Variants in RSRP1 observed in about 807,000 individuals in gnomAD.
The protein encoded by RSRP1 is arginine and serine rich protein 1.
A neutral mutation model predicts 33.0 loss-of-function variants in RSRP1; 37 were observed. That is an observed-to-expected ratio of 1.12 (90% CI 0.86 to 1.48). The LOEUF is 1.48. RSRP1 is among the 40% of genes most tolerant of loss of function. The pLI, the probability that RSRP1 is intolerant of heterozygous loss-of-function variation, is 0.00. For synonymous variants in RSRP1, 167 were observed against 158.7 expected, an observed-to-expected ratio of 1.05 and a Z score of -0.40; for missense variants, 402 against 385.3, an observed-to-expected ratio of 1.04 and a Z score of -0.36.
At position 25,295,863 on chromosome 1, in the gene RSRP1, T is replaced by G. The variant is rs1276367584; in HGVS notation, c.-67+42115A>C. ...GGAATATGGGAAATTTTTTTTTTTTTTTTTTTTTTTTTTTTTGAGATGGAG... is the reference window on the plus strand; with the variant it reads ...GGAATATGGGAAATTTTTTTTTTTTGTTTTTTTTTTTTTTTTGAGATGGAG... On this transcript the variant is annotated intron_variant, in intron 1 of 1. Coordinates refer to the RSRP1 transcript ENST00000561867. Among the ~76,000 whole-genome samples the G allele has an allele frequency of 1.2e-3, 124 of 103,910 alleles. 8 individuals carry two copies. Among genetic ancestry groups the G allele is most frequent in the African/African-American group, 3.7e-3 (111 of 30,096 alleles). The allele number at this position is 103,910 out of a possible 152,430, so 68.2% of individuals were successfully genotyped here. A position where few individuals can be genotyped will look rare whatever the true frequency, so the allele number is the denominator to read the frequency against.
At chr1:25,328,936 C>T (rs774266508) in intron 1 of RSRP1, 1 of 1,309,200 alleles carries the variant, frequency 7.6e-7, no homozygotes, top group South Asian at 1.2e-5. Flanking sequence ...CAAAAGCATC[C>T]AAGAAAAACA....
At position 25,336,790 on chromosome 1, in the gene RSRP1, T is replaced by C. The variant is rs1489301318; in HGVS notation, c.-67+1188A>G. 4.6e-5 allele frequency among the ~76,000 whole-genome samples: 7 copies of C among 151,600 alleles called. No individual in the cohort carries two copies. In the East Asian group the frequency reaches 1.4e-3, roughly 29 times the overall value. Reference sequence around the variant, plus strand: ...ACTAGATTCCTCCACCCTGAGACATTAAACAATCACGATAAACCTCCTGAG... The same window carrying C: ...ACTAGATTCCTCCACCCTGAGACATCAAACAATCACGATAAACCTCCTGAG... On this transcript the variant is annotated intron_variant, in intron 1 of 1. Coordinates refer to the RSRP1 transcript ENST00000561867.
rs1403405250 is a variant in RSRP1 at position 25,322,631 on chromosome 1, C to G, written c.-67+15347G>C. Among the ~76,000 whole-genome samples, 3 of 130,110 alleles carry G rather than the reference C, an allele frequency of 2.3e-5. 1 individual carries two copies. The highest frequency in any genetic ancestry group is 5.5e-5 in the Non-Finnish European group (3 of 54,932). The allele number at this position is 130,110 out of a possible 152,430, so 85.4% of individuals were successfully genotyped here. A position where few individuals can be genotyped will look rare whatever the true frequency, so the allele number is the denominator to read the frequency against. On this transcript the variant is annotated intron_variant, in intron 1 of 1. Coordinates refer to the RSRP1 transcript ENST00000561867. ...AAGTTTGCAGTGATCTGAGATCATGCCACTGCACTCCAGCCTGGGTGACAG... is the reference window on the plus strand; with the variant it reads ...AAGTTTGCAGTGATCTGAGATCATGGCACTGCACTCCAGCCTGGGTGACAG...
At chr1:25,315,163 ATT>A (rs1459885737) in intron 1 of RSRP1, among the ~76,000 whole-genome samples, 1 of 129,290 alleles carries the variant, frequency 7.7e-6, no homozygotes, top group Admixed American at 7.6e-5. Context: ...TCAAAAAAAA[ATT>A]TTTTTTGCAA....
chr1:25,307,957 G>A lies in RSRP1; in HGVS notation c.-67+30021C>T, dbSNP rs1218977332. On this transcript the variant is annotated intron_variant, in intron 1 of 1. Coordinates refer to the RSRP1 transcript ENST00000561867. ...GAACCTTTCCTGTCTCTGGGCCTGA[G>A]AGTTCCCCTCTGAAAGATGAGGACT... The A allele has an allele frequency of 4.1e-6, 3 of 728,942 alleles. No homozygotes were observed. The African/African-American group carries it at 5.4e-5, about 13-fold the overall frequency. 45.2% of individuals were successfully genotyped at this position (728,942 alleles called of 1,614,324 possible). A position where few individuals can be genotyped will look rare whatever the true frequency, so the allele number is the denominator to read the frequency against.
At chr1:25,255,881 G>T (rs1367890382) in intron 1 of RSRP1, among the ~76,000 whole-genome samples, 2 of 152,128 alleles carry the variant, frequency 1.3e-5, no homozygotes, top group Non-Finnish European at 2.9e-5. Context: ...AGGCAGTAAT[G>T]CAAGTGATAG....
At position 25,246,641 on chromosome 1, in the gene RSRP1, G is replaced by A. The variant is rs753660582; in HGVS notation, c.323C>T (p.Pro108Leu). Reference sequence around the variant, plus strand: ...ACGGGACCGGGACCGGTACCGCGAAGGAGACCGGTAGTATCTCCTGGTGAA... The same window carrying A: ...ACGGGACCGGGACCGGTACCGCGAAAGAGACCGGTAGTATCTCCTGGTGAA... ...YGFTRRYYRS[P>L]SRYRSRSRSR... is the part of the protein sequence containing the mutation. Residue 108 changes from proline (P) to leucine (L), a missense_variant, in exon 2 of 5, where the codon CCT (proline) becomes CTT (leucine). Pro to Leu is a moderately conservative substitution (Grantham distance 98). Coordinates refer to ENST00000243189, the MANE Select transcript of RSRP1 (RefSeq NM_020317.5). 3.1e-6 allele frequency: 5 copies of A among 1,613,912 alleles called. No homozygotes were observed. Among genetic ancestry groups the A allele is most frequent in the East Asian group, 4.5e-5 (2 of 44,892 alleles).
chr1:25,245,201 G>T lies in RSRP1; in HGVS notation c.621C>A (p.Ala207=), dbSNP rs772792635. 1.2e-6 allele frequency: 2 copies of T among 1,613,938 alleles called. No individual in the cohort carries two copies. Among genetic ancestry groups the T allele is most frequent in the Non-Finnish European group, 8.5e-7 (1 of 1,179,998 alleles). ...CACCTATTCCACGGCTTGTTTCTTT[G>T]GCTGAAGGAACAGTTCTGAGACTAG... ...LPASLRTVPS[A]KETSRGIGVS... Residue 207 remains alanine (A), a synonymous_variant, in exon 3 of 5, where the codon GCC becomes GCA. Transcript: ENST00000243189.
intron 1 of RSRP1, among the ~76,000 whole-genome samples, chr1:25,257,152 C>A (rs189951464): frequency 6.6e-6 from 1 of 152,280 alleles, no homozygotes; most frequent in Admixed American, 6.5e-5. Flanking sequence ...AAGGTTGTCA[C>A]GACAATGTAT....
At position 25,305,799 on chromosome 1, in the gene RSRP1, A is replaced by G. The variant is rs1643777076; in HGVS notation, c.-67+32179T>C. On this transcript the variant is annotated intron_variant, in intron 1 of 1. Transcript: ENST00000561867. ...GTGTTTTTAGTAGAGACGGGGTTTCACCATGTTGGCCCTGCTGGTCTTGAA... is the reference window on the plus strand; with the variant it reads ...GTGTTTTTAGTAGAGACGGGGTTTCGCCATGTTGGCCCTGCTGGTCTTGAA... Among the ~76,000 whole-genome samples the G allele has an allele frequency of 2.3e-5, 3 of 130,176 alleles. 1 individual carries two copies. The highest frequency in any genetic ancestry group is 2.2e-4 in the Admixed American group (3 of 13,348). The allele number at this position is 130,176 out of a possible 152,430, so 85.4% of individuals were successfully genotyped here. A position where few individuals can be genotyped will look rare whatever the true frequency, so the allele number is the denominator to read the frequency against.
chr1:25,314,281 C>G (rs1449975804), intron 1 of RSRP1, among the ~76,000 whole-genome samples: 2 of 132,678 alleles, frequency 1.5e-5, no homozygotes, highest in African/African-American at 5.1e-5. Context: ...ATTTAGCAAT[C>G]AAACCTATTG....
intron 1 of RSRP1, among the ~76,000 whole-genome samples, chr1:25,261,664 A>C (rs1276416021): frequency 6.7e-6 from 1 of 148,728 alleles, no homozygotes; most frequent in African/African-American, 2.5e-5. Context: ...TCAGCCTCCC[A>C]AAGTGCTGGG....
rs1641449368 is a variant in RSRP1, at chr1:25,281,014, C to T, written c.-66-33985G>A. 1.5e-5 allele frequency among the ~76,000 whole-genome samples: 2 copies of T among 131,978 alleles called. 1 individual carries two copies. The highest frequency in any genetic ancestry group is 3.6e-5 in the Non-Finnish European group (2 of 55,902). 86.6% of individuals were successfully genotyped at this position (131,978 alleles called of 152,430 possible). A position where few individuals can be genotyped will look rare whatever the true frequency, so the allele number is the denominator to read the frequency against. ...CTAACTTCTTTGGAATATTCCAGAGCTGTAAAAGCCTTAGAGAGTATCAAG... is the reference window on the plus strand; with the variant it reads ...CTAACTTCTTTGGAATATTCCAGAGTTGTAAAAGCCTTAGAGAGTATCAAG... On this transcript the variant is annotated intron_variant, in intron 1 of 1. Transcript: ENST00000561867.
chr1:25,276,322 G>A (rs1258199421), intron 1 of RSRP1, among the ~76,000 whole-genome samples: 2 of 128,130 alleles, frequency 1.6e-5, no homozygotes, highest in African/African-American at 5.4e-5. Context: ...TTGGTCTCAT[G>A]TGACAATCAT....
intron 1 of RSRP1, among the ~76,000 whole-genome samples, chr1:25,316,041 TA>T (rs1308274585): frequency 7.7e-6 from 1 of 130,696 alleles, no homozygotes; most frequent in Non-Finnish European, 1.8e-5. Flanking sequence ...AGGAAAGGCT[TA>T]AAAAACTGGC....
In RSRP1 at chr1:25,329,085, C is replaced by A. The variant is rs751993650; in HGVS notation, c.-67+8893G>T. 38 of 1,298,140 alleles carry A rather than the reference C, an allele frequency of 2.9e-5. 6 individuals carry two copies. The South Asian group carries it at 4.4e-4, about 15-fold the overall frequency. The allele number at this position is 1,298,140 out of a possible 1,614,324, so 80.4% of individuals were successfully genotyped here. A position where few individuals can be genotyped will look rare whatever the true frequency, so the allele number is the denominator to read the frequency against. On this transcript the variant is annotated intron_variant, in intron 1 of 1. Coordinates refer to the RSRP1 transcript ENST00000561867. ...ATGGAGTTGAATCCTTTCTCTGCCACTCTTTGAGGAGAATCTCACCATTTA... is the reference window on the plus strand; with the variant it reads ...ATGGAGTTGAATCCTTTCTCTGCCAATCTTTGAGGAGAATCTCACCATTTA...
rs1158356366 is a variant in RSRP1 at position 25,303,109 on chromosome 1, T to C, written c.-67+34869A>G. Among the ~76,000 whole-genome samples, 3 of 132,122 alleles carry C rather than the reference T, an allele frequency of 2.3e-5. No homozygotes were observed. The South Asian group carries it at 6.9e-4, about 30-fold the overall frequency. The allele number at this position is 132,122 out of a possible 152,430, so 86.7% of individuals were successfully genotyped here. A position where few individuals can be genotyped will look rare whatever the true frequency, so the allele number is the denominator to read the frequency against. On this transcript the variant is annotated intron_variant, in intron 1 of 1. Transcript: ENST00000561867. ...CTAAATGCTGCACAATCAGGGTAAC[T>C]GTGCCCTGAGCCTAAGAGGCAGTAG...
Position 25,318,035 on chromosome 1 carries a change from A to C in RSRP1, c.-67+19943T>G, listed in dbSNP as rs1351872231. On this transcript the variant is annotated intron_variant, in intron 1 of 1. Transcript: ENST00000561867. ...AGTTTTACTTATATGCCAGGTGAAA[A>C]TATGTGGCTAGGTGCAGTGGCTCAT... 1.5e-5 allele frequency: 2 copies of C among 131,664 alleles called. 1 individual carries two copies. The highest frequency in any genetic ancestry group is 3.6e-5 in the Non-Finnish European group (2 of 55,616). 8.2% of individuals were successfully genotyped at this position (131,664 alleles called of 1,614,324 possible). A position where few individuals can be genotyped will look rare whatever the true frequency, so the allele number is the denominator to read the frequency against.
Position 25,246,996 on chromosome 1 carries a change from G to C in RSRP1, c.-33C>G. 1 of 1,521,746 alleles carries C rather than the reference G, an allele frequency of 6.6e-7. No homozygotes were observed. Among genetic ancestry groups the C allele is most frequent in the Non-Finnish European group, 8.8e-7 (1 of 1,132,600 alleles). 94.3% of individuals were successfully genotyped at this position (1,521,746 alleles called of 1,614,324 possible). A position where few individuals can be genotyped will look rare whatever the true frequency, so the allele number is the denominator to read the frequency against. On this transcript the variant is annotated 5_prime_UTR_variant, in exon 2 of 5. Coordinates refer to ENST00000243189, the MANE Select transcript of RSRP1 (RefSeq NM_020317.5). Reference sequence around the variant, plus strand: ...TGCGGCTTTAGCCTGCGCTTTCTCCGGAAAGGATCCCGCAAGCCTCAACTC... The same window carrying C: ...TGCGGCTTTAGCCTGCGCTTTCTCCCGAAAGGATCCCGCAAGCCTCAACTC...
Sources: allele counts gnomAD v4.1 joint callset (sites outside exome capture counted in the v4.1 genomes callset), GRCh38; gene constraint gnomAD v4.1.1; transcripts MANE v1.5; gene names NCBI Gene and HGNC (gene_info 2026-07-23, HGNC 2026-07-21).